The following KIAA1217 variants were observed in gnomAD, a reference collection of about 807,000 sequenced individuals.
The protein encoded by KIAA1217 is KIAA1217.
KIAA1217 carries 88 observed loss-of-function variants against 163.9 expected under a neutral mutation model. The observed-to-expected ratio is 0.54, with a 90% CI of 0.45 to 0.64. The LOEUF (loss-of-function observed/expected upper bound fraction) is 0.64. Ranked by LOEUF, KIAA1217 falls within the 30% of genes least tolerant of loss-of-function variation. The probability of loss-of-function intolerance (pLI) is 0.00; values close to 1 mark genes in which losing one functional copy is unlikely to be tolerated. For synonymous variants in KIAA1217, 903 were observed against 923.1 expected, an observed-to-expected ratio of 0.98 and a Z score of 0.39; for missense variants, 2,372 against 2,475.0, an observed-to-expected ratio of 0.96 and a Z score of 0.88.
At chr10:24,023,235 C>T (rs553285931) in intron 2 of KIAA1217, among the ~76,000 whole-genome samples, 3 of 151,712 alleles carry the variant, frequency 2.0e-5, no homozygotes, top group African/African-American at 7.2e-5. Context: ...ACTTTCAATA[C>T]CAAGTATAGT....
intron 2 of KIAA1217, among the ~76,000 whole-genome samples, chr10:24,092,024 C>G (rs1488737768): frequency 1.3e-5 from 2 of 151,628 alleles, no homozygotes; most frequent in Non-Finnish European, 2.9e-5. Flanking sequence ...AAAGCCAGTC[C>G]CTCCCATCCT....
chr10:23,764,629 A>G (rs1378598072), intron 1 of KIAA1217, among the ~76,000 whole-genome samples: 1 of 152,198 alleles, frequency 6.6e-6, no homozygotes, highest in African/African-American at 2.4e-5. Context: ...AAAGAATGAG[A>G]TCATGTCCTT....
At chr10:23,704,445 T>G (rs1214175852) in intron 1 of KIAA1217, among the ~76,000 whole-genome samples, 1 of 151,790 alleles carries the variant, frequency 6.6e-6, no homozygotes, top group Non-Finnish European at 1.5e-5. Flanking sequence ...ACCCAGTAGT[T>G]GCGGTTCCCT....
At chr10:24,055,160 G>A (rs905578065) in intron 2 of KIAA1217, among the ~76,000 whole-genome samples, 2 of 152,206 alleles carry the variant, frequency 1.3e-5, no homozygotes, top group Non-Finnish European at 2.9e-5. Context: ...TCAGCTACTC[G>A]GGAAGCTGAG....
At chr10:24,021,254 A>G (rs1189565921) in intron 2 of KIAA1217, among the ~76,000 whole-genome samples, 1 of 151,970 alleles carries the variant, frequency 6.6e-6, no homozygotes, top group African/African-American at 2.4e-5. Context: ...CTATAGCAAG[A>G]TTGTAGGATA....
chr10:24,035,837 G>C (rs1193219198), intron 2 of KIAA1217, among the ~76,000 whole-genome samples: 1 of 152,184 alleles, frequency 6.6e-6, no homozygotes, highest in African/African-American at 2.4e-5. Flanking sequence ...TTGGGATTTG[G>C]AAAACAGAAC....
chr10:24,217,323 C>T (rs541812582), intron 1 of KIAA1217, among the ~76,000 whole-genome samples: 6 of 152,250 alleles, frequency 3.9e-5, no homozygotes, highest in Admixed American at 3.9e-4. Context: ...CCCCCAATAT[C>T]TTTTAAACCA....
intron 6 of KIAA1217, among the ~76,000 whole-genome samples, chr10:24,481,018 C>T (rs899087065): frequency 1.3e-5 from 2 of 152,094 alleles, no homozygotes; most frequent in African/African-American, 4.8e-5. Context: ...GCCAGGTATG[C>T]GTGAAATCAT....
intron 2 of KIAA1217, among the ~76,000 whole-genome samples, chr10:24,322,065 C>G (rs1004962714): frequency 6.6e-6 from 1 of 152,184 alleles, no homozygotes; most frequent in African/African-American, 2.4e-5. Context: ...TCTCCCACCT[C>G]AGCCTCCTGA....
At chr10:24,233,073 C>A (rs2071679998) in intron 2 of KIAA1217, among the ~76,000 whole-genome samples, 1 of 151,624 alleles carries the variant, frequency 6.6e-6, no homozygotes, top group South Asian at 2.1e-4. Context: ...TGCAGTGAGT[C>A]ATGATCATTC....
At chr10:23,886,352 C>T (rs1175684315) in intron 1 of KIAA1217, among the ~76,000 whole-genome samples, 1 of 151,884 alleles carries the variant, frequency 6.6e-6, no homozygotes, top group African/African-American at 2.4e-5. Flanking sequence ...AGGATTGTCT[C>T]CAGTGTCCAC....
intron 3 of KIAA1217, among the ~76,000 whole-genome samples, chr10:24,400,962 TACACACACACACACACAC>T (rs375697958): frequency 1.0e-4 from 12 of 117,112 alleles, no homozygotes; most frequent in Non-Finnish European, 1.6e-4. Flanking sequence ...GCAAGAAACA[TACACACACACACACACAC>T]ACACACACAC....
chr10:24,219,848 A>G lies in KIAA1217; in HGVS notation c.293A>G (p.Lys98Arg). The part of the protein sequence containing the change: ...RKREAFLEHL[K>R]QKYPHHASAI... ...AGAGAAGCGTTCCTAGAACATCTGAAGCAGAAGTACCCCCACCACGCCTCT... is the reference window on the plus strand; with the variant it reads ...AGAGAAGCGTTCCTAGAACATCTGAGGCAGAAGTACCCCCACCACGCCTCT... Residue 98 changes from lysine to arginine, a missense_variant, in exon 2 of 21, where the codon AAG becomes AGG. Around this residue, in one of 3 missense-constraint regions of KIAA1217, gnomAD observed 1,431 missense variants for 1,470.3 expected, o/e 0.97. Coordinates refer to ENST00000376454, the MANE Select transcript of KIAA1217 (RefSeq NM_019590.5). The G allele has an allele frequency of 1.2e-6, 2 of 1,613,718 alleles. No homozygotes were observed. The highest frequency in any genetic ancestry group is 1.7e-6 in the Non-Finnish European group (2 of 1,179,798).
Position 24,542,783 on chromosome 10 carries a change from G to C in KIAA1217, c.3612+13G>C. 6.2e-7 allele frequency: 1 copy of C among 1,613,682 alleles called. No homozygotes were observed. Among genetic ancestry groups the C allele is most frequent in the South Asian group, 1.1e-5 (1 of 91,060 alleles). On this transcript the variant is annotated intron_variant, in intron 18 of 20. Transcript: ENST00000376454. ...GGAATTCCAAAAGGTGAGTTCACCA[G>C]ATCTGGGTTCCGACCAATACCATGC...
rs1437596939 is a variant in KIAA1217 at position 24,245,413 on chromosome 10, G to C, written c.354+25504G>C. On this transcript the variant is annotated intron_variant, in intron 2 of 20. Transcript: ENST00000376454. ...CAGAGAGAGGCTTCTGTTGGCTGCA[G>C]TGTGACACTGTAGACTTGCCAGAAA... Among the ~76,000 whole-genome samples the C allele has an allele frequency of 2.6e-5, 4 of 152,326 alleles. 1 individual carries two copies. In the East Asian group the frequency reaches 7.7e-4, roughly 29 times the overall value.
intron 1 of KIAA1217, among the ~76,000 whole-genome samples, chr10:23,969,727 G>A (rs1396519152): frequency 6.6e-6 from 1 of 152,034 alleles, no homozygotes; most frequent in Non-Finnish European, 1.5e-5. Flanking sequence ...CTTATTCTAT[G>A]GATTGTCTTT....
upstream of KIAA1217, among the ~76,000 whole-genome samples, chr10:24,207,768 C>T (rs1375453433): frequency 2.0e-5 from 3 of 152,200 alleles, no homozygotes; most frequent in South Asian, 6.2e-4. Context: ...TGTCTCCTTT[C>T]CTTTTGGCCT....
At chr10:24,129,014 A>G (rs1425923674) in intron 2 of KIAA1217, among the ~76,000 whole-genome samples, 4 of 152,128 alleles carry the variant, frequency 2.6e-5, no homozygotes, top group African/African-American at 4.8e-5. Context: ...ACAAAGAAAT[A>G]TTTTCCCTCT....
chr10:24,016,330 C>T (rs1326417872), intron 2 of KIAA1217, among the ~76,000 whole-genome samples: 2 of 152,078 alleles, frequency 1.3e-5, no homozygotes, highest in Admixed American at 1.3e-4. Flanking sequence ...ATATTTTCAG[C>T]CTGGCTTCCT....
Sources: allele counts gnomAD v4.1 joint callset (sites outside exome capture counted in the v4.1 genomes callset), GRCh38; gene constraint gnomAD v4.1.1; regional missense constraint gnomAD v4.1.1; transcripts MANE v1.5; gene names NCBI Gene and HGNC (gene_info 2026-07-23, HGNC 2026-07-21).